CYFIP1: variants seen among roughly 807,000 people sequenced by gnomAD.
CYFIP1 encodes the protein cytoplasmic FMR1-interacting protein 1.
A neutral mutation model predicts 163.5 loss-of-function variants in CYFIP1; 58 were observed. That is an observed-to-expected ratio of 0.35 (90% CI 0.29 to 0.44). The LOEUF (loss-of-function observed/expected upper bound fraction) is 0.44, where lower values mean the gene tolerates loss of function less well. Among genes scored for constraint, CYFIP1 ranks in the 20% least tolerant of loss-of-function variants. CYFIP1 has a pLI of 1.00. For missense variants in CYFIP1, 1,338 were observed against 1,653.8 expected (o/e 0.81, Z 3.31); for synonymous variants, 663 against 660.7 (o/e 1.00, Z -0.05).
chr15:22,873,382 T>C lies in CYFIP1; in HGVS notation c.3449+109A>G. ...GCTTAAAAGCCGCTCAGTGAGTTTC[T>C]GGTCCACTTCCTGAGCATGGCTGGC... On this transcript the variant is annotated intron_variant, in intron 29 of 30. Coordinates refer to ENST00000617928, the MANE Select transcript of CYFIP1 (RefSeq NM_014608.6). The C allele has an allele frequency of 3.3e-6, 3 of 899,656 alleles. No individual in the cohort carries two copies. The South Asian group carries it at 4.9e-5, about 15-fold the overall frequency. 55.7% of individuals were successfully genotyped at this position (899,656 alleles called of 1,614,324 possible).
chr15:22,973,447 G>C (rs760604341), intron 1 of CYFIP1, among the ~76,000 whole-genome samples: 1 of 151,524 alleles, frequency 6.6e-6, no homozygotes, highest in Non-Finnish European at 1.5e-5. Flanking sequence ...TCTACTCTCT[G>C]TCTCTGTATA....
chr15:22,946,449 C>T (rs573392206), intron 3 of CYFIP1, among the ~76,000 whole-genome samples: 7 of 151,952 alleles, frequency 4.6e-5, no homozygotes, highest in African/African-American at 1.2e-4. Context: ...GAGACCAGCC[C>T]GACCAACATG....
At chr15:22,929,205 C>T (rs1056026797) in intron 11 of CYFIP1, among the ~76,000 whole-genome samples, 10 of 140,004 alleles carry the variant, frequency 7.1e-5, no homozygotes, top group African/African-American at 2.7e-4. Context: ...GCCTGGGCAA[C>T]AAGAGCGAAA....
At chr15:22,888,460 C>T (rs771587651) in intron 23 of CYFIP1, among the ~76,000 whole-genome samples, 1 of 152,164 alleles carries the variant, frequency 6.6e-6, no homozygotes, top group South Asian at 2.1e-4. Context: ...GGACTAGGCA[C>T]GGTGGCTCAC....
chr15:22,936,485 C>T (rs1019012629), intron 9 of CYFIP1, among the ~76,000 whole-genome samples: 3 of 152,174 alleles, frequency 2.0e-5, no homozygotes, highest in African/African-American at 7.2e-5. Context: ...GATATCCCCC[C>T]ACCCCAAAAA....
chr15:22,943,492 C>A, intron 5 of CYFIP1, 138 bp from the exon 6 acceptor site: 1 of 897,290 alleles, frequency 1.1e-6, no homozygotes, highest in South Asian at 1.8e-5. Flanking sequence ...GAAGTGTTTA[C>A]AATGTGGGCA....
chr15:22,944,217 C>T (rs533063597), intron 5 of CYFIP1, among the ~76,000 whole-genome samples: 318 of 126,590 alleles, frequency 2.5e-3, no homozygotes, highest in Admixed American at 5.9e-3. Context: ...CTAGCCAGGG[C>T]GACAAAGCAA....
rs72698068 is a variant in CYFIP1 at position 22,892,672 on chromosome 15, G to A, written c.2676+218C>T. 0.014 allele frequency among the ~76,000 whole-genome samples: 2,131 copies of A among 152,282 alleles called. 24 individuals carry two copies. The highest frequency in any genetic ancestry group is 0.028 in the Admixed American group (435 of 15,298). On this transcript the variant is annotated intron_variant, in intron 23 of 30. Coordinates refer to ENST00000617928, the MANE Select transcript of CYFIP1 (RefSeq NM_014608.6). Reference sequence around the variant, plus strand: ...AGAGCTGTCCCAACACTACGTACGCGCTAGTTCTAGATAAGCACTGTTTTG... The same window carrying A: ...AGAGCTGTCCCAACACTACGTACGCACTAGTTCTAGATAAGCACTGTTTTG...
In CYFIP1 at chr15:22,880,146, A is replaced by AAGCCTGGCTAT. The variant is rs2059712404; in HGVS notation, c.2912-114_2912-104dup. ...CACCTGCCGTTCTGACACCGCCATC[A>AAGCCTGGCTAT]AGCCTGGCTATAAGGACAGCCACAA... On this transcript the variant is annotated intron_variant, in intron 25 of 30. Coordinates refer to ENST00000617928, the MANE Select transcript of CYFIP1 (RefSeq NM_014608.6). 2.0e-6 allele frequency: 3 copies of AAGCCTGGCTAT among 1,489,098 alleles called. No individual in the cohort carries two copies. In the South Asian group the frequency reaches 3.4e-5, roughly 17 times the overall value. 92.2% of individuals were successfully genotyped at this position (1,489,098 alleles called of 1,614,324 possible). A position where few individuals can be genotyped will look rare whatever the true frequency, so the allele number is the denominator to read the frequency against.
At chr15:22,941,498 A>C (rs189960439) in intron 6 of CYFIP1, among the ~76,000 whole-genome samples, 1 of 149,982 alleles carries the variant, frequency 6.7e-6, no homozygotes, top group Admixed American at 6.6e-5. Context: ...CACTTAAAAG[A>C]GGTTATACTA....
intron 1 of CYFIP1, among the ~76,000 whole-genome samples, chr15:22,977,892 T>C (rs1213936963): frequency 6.6e-6 from 1 of 151,472 alleles, no homozygotes; most frequent in African/African-American, 2.4e-5. Context: ...GGGAGGGAGA[T>C]GTTAGCTATT....
chr15:22,881,802 C>A, intron 25 of CYFIP1, 44 bp downstream of exon 25: 4 of 1,573,324 alleles, frequency 2.5e-6, no homozygotes, highest in Non-Finnish European at 3.5e-6. Flanking sequence ...TCCTTTCTGA[C>A]CTCTCCACAG....
rs1382469692 is a variant in CYFIP1, at chr15:22,910,720, A to G, written c.2159+17T>C. The G allele has an allele frequency of 6.2e-7, 1 of 1,611,122 alleles. No individual in the cohort carries two copies. The highest frequency in any genetic ancestry group is 1.3e-5 in the African/African-American group (1 of 74,840). On this transcript the variant is annotated intron_variant, in intron 19 of 30. Transcript: ENST00000617928. ...TTATGAAACGTTTTGTATCAAAATC[A>G]CACACCAGATACTCACCTTCCTGCC... is the stretch of plus-strand genomic sequence containing the variant.
intron 1 of CYFIP1, among the ~76,000 whole-genome samples, chr15:22,964,270 C>T (rs1313234621): frequency 2.0e-5 from 2 of 99,774 alleles, no homozygotes; most frequent in Non-Finnish European, 3.8e-5. Flanking sequence ...TCCACTCCTC[C>T]TCACCACACA....
chr15:22,898,769 T>C (rs527936824), intron 22 of CYFIP1, among the ~76,000 whole-genome samples: 67 of 152,082 alleles, frequency 4.4e-4, no homozygotes, highest in Admixed American at 1.4e-3. Context: ...TTTGGGAGGC[T>C]GAGGTGGGCG....
At chr15:22,939,064 G>A (rs1258946964) in intron 8 of CYFIP1, 128 bp downstream of exon 8, 5 of 1,157,608 alleles carry the variant, frequency 4.3e-6, no homozygotes, top group South Asian at 2.8e-5. Context: ...AGGGCAGGAC[G>A]CTGTTCACAC....
intron 1 of CYFIP1, among the ~76,000 whole-genome samples, chr15:22,968,777 T>G (rs1388896437): frequency 6.6e-6 from 1 of 152,210 alleles, no homozygotes; most frequent in Non-Finnish European, 1.5e-5. Context: ...CACATACAGT[T>G]ATTCAATGAT....
chr15:22,925,814 ACT>A (rs1451391565), intron 13 of CYFIP1, among the ~76,000 whole-genome samples, 166 bp downstream of exon 13: 1 of 152,040 alleles, frequency 6.6e-6, no homozygotes, highest in African/African-American at 2.4e-5. Flanking sequence ...ACCGACAACC[ACT>A]GTTTCTCTAA....
intron 11 of CYFIP1, among the ~76,000 whole-genome samples, 179 bp downstream of exon 11, chr15:22,932,044 T>C (rs955245259): frequency 1.3e-5 from 2 of 152,208 alleles, no homozygotes; most frequent in African/African-American, 4.8e-5. Flanking sequence ...CACGATGACG[T>C]TCCCACAATG....
Sources: gnomAD v4.1 joint callset for allele counts (sites outside exome capture counted in the v4.1 genomes callset) on GRCh38, gnomAD v4.1.1 for gene constraint, MANE v1.5 for transcripts, NCBI Gene and HGNC (gene_info 2026-07-23, HGNC 2026-07-21) for gene names.